TNR: variants seen among roughly 807,000 people sequenced by gnomAD.
TNR encodes the protein tenascin-R.
TNR carries 45 observed loss-of-function variants against 150.4 expected under a neutral mutation model. The observed-to-expected ratio is 0.30, with a 90% CI of 0.24 to 0.38. The LOEUF (loss-of-function observed/expected upper bound fraction) is 0.38. Ranked by LOEUF, TNR falls within the 10% of genes least tolerant of loss-of-function variation. The pLI, the probability that TNR is intolerant of heterozygous loss-of-function variation, is 1.00. For missense variants in TNR, 1,544 were observed against 1,759.1 expected (o/e 0.88, Z 2.19); for synonymous variants, 687 against 678.4 (o/e 1.01, Z -0.20).
intron 1 of TNR, among the ~76,000 whole-genome samples, chr1:175,708,981 C>T (rs1312762499): frequency 3.7e-5 from 5 of 133,712 alleles, no homozygotes; most frequent in Middle Eastern, 3.7e-3. Flanking sequence ...AGCACCCCCA[C>T]GTGGCGAGCA....
intron 2 of TNR, among the ~76,000 whole-genome samples, chr1:175,510,598 A>G (rs1411534450): frequency 1.3e-5 from 2 of 152,214 alleles, no homozygotes; most frequent in Non-Finnish European, 2.9e-5. Flanking sequence ...TGTCCCTATA[A>G]CTACAAGCTG....
intron 1 of TNR, among the ~76,000 whole-genome samples, chr1:175,689,578 A>G (rs1008225602): frequency 4.6e-5 from 7 of 152,118 alleles, no homozygotes; most frequent in Admixed American, 1.3e-4. Context: ...GCTTGATGCA[A>G]CTTCTGGATC....
At chr1:175,428,303 T>C (rs1655105510) in intron 2 of TNR, among the ~76,000 whole-genome samples, 1 of 152,210 alleles carries the variant, frequency 6.6e-6, no homozygotes, top group African/African-American at 2.4e-5. Flanking sequence ...TGCGTATCCC[T>C]GTATGCCTAC....
Position 175,356,349 on chromosome 1 carries a change from T to C in TNR, c.3088A>G (p.Ser1030Gly), listed in dbSNP as rs1228236510. ...TMYATNGPLTSGTISTNFSTL... is the reference protein window; with the variant it reads ...TMYATNGPLTGGTISTNFSTL... ...GAAAAGTTGGTGCTGATGGTGCCAC[T>C]GGTGAGAGGTCCATTGGTGGCATAC... is the stretch of plus-strand genomic sequence containing the variant. Residue 1030 changes from serine (S) to glycine (G), a missense_variant, in exon 16 of 23, where the codon AGT becomes GGT. Coordinates refer to ENST00000367674, the MANE Select transcript of TNR (RefSeq NM_003285.3). 3 of 1,613,914 alleles carry C rather than the reference T, an allele frequency of 1.9e-6. No homozygotes were observed. Among genetic ancestry groups the C allele is most frequent in the African/African-American group, 1.3e-5 (1 of 74,890 alleles).
At chr1:175,332,988 C>G (rs562568028) in intron 20 of TNR, among the ~76,000 whole-genome samples, 2 of 152,142 alleles carry the variant, frequency 1.3e-5, no homozygotes, top group Admixed American at 1.3e-4. Context: ...ATACCTTAAC[C>G]CTGATCCTAA....
chr1:175,687,126 G>T (rs1239313475), intron 1 of TNR, among the ~76,000 whole-genome samples: 2 of 152,154 alleles, frequency 1.3e-5, no homozygotes, highest in Non-Finnish European at 2.9e-5. Context: ...ATGAGCTAAA[G>T]CTTAGTCAGA....
chr1:175,395,280 A>G (rs561399134), intron 5 of TNR, among the ~76,000 whole-genome samples: 3 of 152,306 alleles, frequency 2.0e-5, no homozygotes, highest in East Asian at 3.9e-4. Context: ...TTTCAAGGCT[A>G]AATCTTTCTA....
intron 7 of TNR, among the ~76,000 whole-genome samples, chr1:175,389,019 T>C (rs569481975): frequency 6.6e-6 from 1 of 152,256 alleles, no homozygotes; most frequent in Non-Finnish European, 1.5e-5. Flanking sequence ...TTTAGCCTTT[T>C]GTCTTTTACT....
chr1:175,397,995 G>T (rs1353100772), intron 4 of TNR, among the ~76,000 whole-genome samples: 1 of 152,176 alleles, frequency 6.6e-6, no homozygotes, highest in Non-Finnish European at 1.5e-5. Flanking sequence ...TGTAGTGGAG[G>T]CTTCGATGAG....
intron 2 of TNR, among the ~76,000 whole-genome samples, chr1:175,433,045 G>A (rs190128158): frequency 8.3e-4 from 127 of 152,298 alleles, no homozygotes; most frequent in Admixed American, 2.0e-3. Flanking sequence ...GCATGGGCAT[G>A]ATGGCTGGAG....
chr1:175,379,958 T>C (rs1652595657), intron 8 of TNR, among the ~76,000 whole-genome samples: 1 of 152,170 alleles, frequency 6.6e-6, no homozygotes, highest in South Asian at 2.1e-4. Context: ...CAATACACTT[T>C]ATGCTTCCCC....
intron 2 of TNR, among the ~76,000 whole-genome samples, chr1:175,494,437 C>T (rs1034734828): frequency 1.3e-5 from 2 of 152,196 alleles, no homozygotes; most frequent in Non-Finnish European, 2.9e-5. Context: ...GGCATGGGAG[C>T]AAAAGCATTG....
chr1:175,720,775 A>G (rs1420317244), intron 1 of TNR, among the ~76,000 whole-genome samples: 3 of 152,254 alleles, frequency 2.0e-5, no homozygotes, highest in Non-Finnish European at 4.4e-5. Context: ...ATTACGCCTC[A>G]ATCCAGAGGA....
At chr1:175,491,640 G>C (rs1446858916) in intron 2 of TNR, among the ~76,000 whole-genome samples, 2 of 129,362 alleles carry the variant, frequency 1.5e-5, no homozygotes, top group Non-Finnish European at 3.2e-5. Flanking sequence ...TCCAGGCCCA[G>C]ACTTTTTTTT....
intron 15 of TNR, among the ~76,000 whole-genome samples, chr1:175,359,052 C>G (rs192444230): frequency 2.7e-5 from 4 of 147,870 alleles, no homozygotes; most frequent in Admixed American, 6.7e-5. Flanking sequence ...TGTACTTGCC[C>G]TTGGTTACAT....
intron 1 of TNR, among the ~76,000 whole-genome samples, chr1:175,545,791 C>T (rs1660662634): frequency 6.6e-6 from 1 of 152,178 alleles, no homozygotes; most frequent in African/African-American, 2.4e-5. Context: ...CAAACGGAGG[C>T]CATCCAGCTT....
intron 2 of TNR, among the ~76,000 whole-genome samples, chr1:175,436,530 A>C (rs1655518064): frequency 6.6e-6 from 1 of 152,178 alleles, no homozygotes. Context: ...ACACATAACA[A>C]TATTAACCTT....
chr1:175,631,853 T>C (rs560044239), intron 1 of TNR, among the ~76,000 whole-genome samples: 17 of 152,358 alleles, frequency 1.1e-4, no homozygotes, highest in African/African-American at 4.1e-4. Context: ...TCTTTCTTTA[T>C]GCTTCTCTAC....
intron 1 of TNR, among the ~76,000 whole-genome samples, chr1:175,626,203 C>T (rs1032350612): frequency 1.3e-5 from 2 of 152,154 alleles, no homozygotes; most frequent in African/African-American, 4.8e-5. Flanking sequence ...GTAAATTGCC[C>T]GGTCTCGGGT....
Sources: gnomAD v4.1 joint callset for allele counts (sites outside exome capture counted in the v4.1 genomes callset) on GRCh38, gnomAD v4.1.1 for gene constraint, MANE v1.5 for transcripts, NCBI Gene and HGNC (gene_info 2026-07-23, HGNC 2026-07-21) for gene names.